Variants in STAG1 observed in about 807,000 individuals in gnomAD.
STAG1 encodes the protein cohesin subunit SA-1.
STAG1 carries 26 observed loss-of-function variants against 170.9 expected under a neutral mutation model. That is an observed-to-expected ratio of 0.15 (90% CI 0.11 to 0.21). STAG1 has a LOEUF of 0.21. Among genes scored for constraint, STAG1 ranks in the 10% least tolerant of loss-of-function variants. STAG1 has a pLI of 1.00. For missense variants in STAG1, 964 were observed against 1,509.5 expected (o/e 0.64, Z 5.99); for synonymous variants, 514 against 497.7 (o/e 1.03, Z -0.44).
At chr3:136,748,392 T>C (rs1480792055) in intron 1 of STAG1, among the ~76,000 whole-genome samples, 1 of 151,236 alleles carries the variant, frequency 6.6e-6, no homozygotes, top group African/African-American at 2.4e-5. Context: ...ACTCAAAAAA[T>C]AATAAATTTT....
intron 1 of STAG1, among the ~76,000 whole-genome samples, chr3:136,744,646 G>A (rs1934843672): frequency 6.7e-6 from 1 of 149,270 alleles, no homozygotes; most frequent in Admixed American, 6.7e-5. Flanking sequence ...TGTGAGTCGT[G>A]ACATTTCTTA....
chr3:136,670,830 G>A (rs762084253), intron 1 of STAG1, among the ~76,000 whole-genome samples: 2 of 152,050 alleles, frequency 1.3e-5, no homozygotes, highest in Non-Finnish European at 2.9e-5. Flanking sequence ...ATTAACACAT[G>A]TTGAAATACA....
intron 22 of STAG1, among the ~76,000 whole-genome samples, chr3:136,393,968 C>G (rs371543400): frequency 6.6e-6 from 1 of 152,158 alleles, no homozygotes; most frequent in Non-Finnish European, 1.5e-5. Context: ...GTGATGCAAT[C>G]TTGGCTCACT....
intron 1 of STAG1, among the ~76,000 whole-genome samples, chr3:136,720,558 G>A (rs1933186404): frequency 6.6e-6 from 1 of 152,146 alleles, no homozygotes; most frequent in Non-Finnish European, 1.5e-5. Flanking sequence ...GGGAGGCCGA[G>A]GCAGGCAGAT....
At chr3:136,551,268 C>T (rs1444833027) in intron 5 of STAG1, among the ~76,000 whole-genome samples, 28 of 79,618 alleles carry the variant, frequency 3.5e-4, no homozygotes, top group Non-Finnish European at 3.2e-4. Flanking sequence ...AGAGGGAGAG[C>T]GAGAGAGCGT....
intron 1 of STAG1, among the ~76,000 whole-genome samples, chr3:136,707,897 C>T (rs1188220325): frequency 1.3e-5 from 2 of 152,088 alleles, no homozygotes; most frequent in Non-Finnish European, 2.9e-5. Flanking sequence ...CCAATATCAC[C>T]ACACTGGGGA....
chr3:136,694,727 GCA>G (rs1355719425), intron 1 of STAG1, among the ~76,000 whole-genome samples: 1 of 152,128 alleles, frequency 6.6e-6, no homozygotes, highest in Admixed American at 6.6e-5. Flanking sequence ...CTTGGTTTGA[GCA>G]CAGAGTTCAG....
chr3:136,694,891 A>C (rs940512455), intron 1 of STAG1, among the ~76,000 whole-genome samples: 1 of 152,164 alleles, frequency 6.6e-6, no homozygotes, highest in East Asian at 1.9e-4. Flanking sequence ...AAAGTTTTGA[A>C]AAGTGAGGAA....
chr3:136,746,380 G>C (rs1374010282), intron 1 of STAG1, among the ~76,000 whole-genome samples: 2 of 151,900 alleles, frequency 1.3e-5, no homozygotes, highest in African/African-American at 4.8e-5. Flanking sequence ...GGGCCACACT[G>C]GAAGAATTCT....
intron 1 of STAG1, among the ~76,000 whole-genome samples, chr3:136,677,907 TTATA>T (rs925147422): frequency 1.0e-4 from 15 of 147,466 alleles, no homozygotes; most frequent in African/African-American, 3.4e-4. Context: ...ATAATATATA[TTATA>T]TATATTTAGT....
chr3:136,521,565 T>C (rs992136285), intron 6 of STAG1, 148 bp from the exon 7 acceptor site: 22 of 616,724 alleles, frequency 3.6e-5, no homozygotes, highest in Non-Finnish European at 6.2e-5. Flanking sequence ...TTGATTGCTT[T>C]ATTTCTCTTT....
chr3:136,439,931 G>C (rs568959438), intron 15 of STAG1, among the ~76,000 whole-genome samples: 2 of 151,956 alleles, frequency 1.3e-5, no homozygotes. Flanking sequence ...CCTTCTGACC[G>C]GAAGTTTAAA....
At chr3:136,405,231 CTTTTTTTTTTTTTTTTTTT>C (rs554475207) in intron 21 of STAG1, among the ~76,000 whole-genome samples, 2 of 60,876 alleles carry the variant, frequency 3.3e-5, no homozygotes, top group Non-Finnish European at 7.0e-5. Flanking sequence ...GAAAAAACCT[CTTTTTTTTTTTTTTTTTTT>C]TTTTTTTTTC....
chr3:136,588,759 T>G (rs192217317), intron 4 of STAG1, among the ~76,000 whole-genome samples: 1 of 152,176 alleles, frequency 6.6e-6, no homozygotes, highest in Admixed American at 6.5e-5. Context: ...ATTTTCTGTT[T>G]TTTTTGTTTG....
At chr3:136,357,891 A>G (rs1936715907) in intron 27 of STAG1, 43 bp from the exon 28 acceptor site, 1 of 1,494,028 alleles carries the variant, frequency 6.7e-7, no homozygotes, top group African/African-American at 1.4e-5. Context: ...CAGATAGTGT[A>G]ATTCTCTCAA....
chr3:136,698,094 G>A (rs779178001), intron 1 of STAG1, among the ~76,000 whole-genome samples: 4 of 150,080 alleles, frequency 2.7e-5, no homozygotes, highest in Non-Finnish European at 5.9e-5. Context: ...AACTCTTCTA[G>A]ACATTGGCTT....
chr3:136,632,974 C>T (rs995193223), intron 1 of STAG1, among the ~76,000 whole-genome samples: 1 of 151,628 alleles, frequency 6.6e-6, no homozygotes, highest in Non-Finnish European at 1.5e-5. Context: ...TGTCAGTGTC[C>T]ACACAGGACA....
intron 3 of STAG1, among the ~76,000 whole-genome samples, chr3:136,606,290 G>C (rs1344238529): frequency 6.6e-6 from 1 of 151,910 alleles, no homozygotes; most frequent in Non-Finnish European, 1.5e-5. Context: ...CCAAGTTCAA[G>C]TGATTCTCCT....
intron 1 of STAG1, among the ~76,000 whole-genome samples, chr3:136,725,815 C>T (rs1174993437): frequency 6.6e-6 from 1 of 152,190 alleles, no homozygotes; most frequent in East Asian, 1.9e-4. Flanking sequence ...CTATTAATAG[C>T]AACTCAAATT....
Sources: gnomAD v4.1 joint callset for allele counts (sites outside exome capture counted in the v4.1 genomes callset) on GRCh38, gnomAD v4.1.1 for gene constraint, MANE v1.5 for transcripts, NCBI Gene and HGNC (gene_info 2026-07-23, HGNC 2026-07-21) for gene names.